RESF1: variants seen among roughly 807,000 people sequenced by gnomAD.
The protein encoded by RESF1 is retroelement silencing factor 1.
A neutral mutation model predicts 134.7 loss-of-function variants in RESF1; 65 were observed. That is an observed-to-expected ratio of 0.48 (90% CI 0.40 to 0.59). The LOEUF is 0.59. RESF1 is among the 20% of genes least tolerant of loss of function. The probability of loss-of-function intolerance (pLI) is 0.00; values close to 1 mark genes in which losing one functional copy is unlikely to be tolerated. For missense variants in RESF1, 2,274 were observed against 2,002.7 expected (o/e 1.14, Z -2.59); for synonymous variants, 762 against 702.2 (o/e 1.09, Z -1.35).
chr12:31,969,230 C>T (rs1350177554), intron 2 of RESF1, among the ~76,000 whole-genome samples: 1 of 151,532 alleles, frequency 6.6e-6, no homozygotes, highest in Non-Finnish European at 1.5e-5. Context: ...GTGTGAGCCA[C>T]CACACCTGGC....
At position 31,982,692 on chromosome 12, in the gene RESF1, T is replaced by G; in HGVS notation, c.1737T>G (p.Asn579Lys). The G allele has an allele frequency of 6.2e-7, 1 of 1,613,996 alleles. No individual in the cohort carries two copies. Among genetic ancestry groups the G allele is most frequent in the Admixed American group, 1.7e-5 (1 of 60,004 alleles). The change falls in exon 4 of 6, where the codon AAT (asparagine) becomes AAG (lysine). Residue 579 changes from asparagine to lysine, a missense_variant. By Grantham distance (94) the Asn-to-Lys change is moderately conservative (BLOSUM62 0). Transcript: ENST00000312561. ...AGGAATATAAATCAAAAATTCAAAA[T>G]GAAAATATGCTACTTCTCGCTTTGC... The part of the protein sequence containing the change: ...STEEYKSKIQ[N>K]ENMLLLALLS...
At chr12:31,967,105 G>C (rs1327715126) in intron 2 of RESF1, among the ~76,000 whole-genome samples, 1 of 152,156 alleles carries the variant, frequency 6.6e-6, no homozygotes, top group Non-Finnish European at 1.5e-5. Context: ...ACCACCTTGG[G>C]GGGTATACTT....
At chr12:31,973,107 A>T (rs78564345) in intron 3 of RESF1, among the ~76,000 whole-genome samples, 22,592 of 152,094 alleles carry the variant, frequency 0.15, 2,079 homozygotes, top group Middle Eastern at 0.26. Context: ...GCTGGCAGAG[A>T]TCTTGGGGCG....
Position 31,981,184 on chromosome 12 carries a change from G to T in RESF1, c.229G>T (p.Asp77Tyr), listed in dbSNP as rs1039277257. 1 of 1,614,042 alleles carries T rather than the reference G, an allele frequency of 6.2e-7. No individual in the cohort carries two copies. The highest frequency in any genetic ancestry group is 1.1e-5 in the South Asian group (1 of 91,066). Residue 77 changes from aspartate to tyrosine, a missense_variant, in exon 4 of 6, where the codon GAT becomes TAT. Transcript: ENST00000312561. Reference protein sequence around the residue: ...QNYPQQISVSDMHNGTVVASH... With the variant: ...QNYPQQISVSYMHNGTVVASH... ...TTATCCTCAACAAATTTCTGTTTCTGATATGCATAATGGGACAGTTGTGGC... is the reference window on the plus strand; with the variant it reads ...TTATCCTCAACAAATTTCTGTTTCTTATATGCATAATGGGACAGTTGTGGC...
intron 2 of RESF1, among the ~76,000 whole-genome samples, chr12:31,965,768 G>A (rs535623949): frequency 1.8e-4 from 28 of 151,938 alleles, no homozygotes; most frequent in African/African-American, 6.8e-4. Flanking sequence ...GCGTGTGCCT[G>A]AAATCCCAGC....
intron 5 of RESF1, among the ~76,000 whole-genome samples, chr12:31,987,916 G>A (rs1405701501): frequency 6.6e-6 from 1 of 151,952 alleles, no homozygotes; most frequent in African/African-American, 2.4e-5. Flanking sequence ...TGTATTTTTA[G>A]TAGAGGCAGG....
chr12:31,967,169 C>T (rs943823335), intron 2 of RESF1, among the ~76,000 whole-genome samples: 7 of 152,084 alleles, frequency 4.6e-5, no homozygotes, highest in African/African-American at 1.7e-4. Flanking sequence ...GGTGTCATCC[C>T]GTGGGGCTGG....
intron 3 of RESF1, among the ~76,000 whole-genome samples, chr12:31,974,707 G>A (rs1377764529): frequency 6.6e-6 from 1 of 152,088 alleles, no homozygotes; most frequent in Non-Finnish European, 1.5e-5. Context: ...TTCAGTTCAT[G>A]AGACTCTCTC....
At chr12:31,965,190 C>T (rs966604018) in intron 2 of RESF1, among the ~76,000 whole-genome samples, 1 of 152,172 alleles carries the variant, frequency 6.6e-6, no homozygotes, top group Non-Finnish European at 1.5e-5. Context: ...CTTCTGACCT[C>T]AAGTGATCAG....
At chr12:31,980,794 A>C (rs1317836649) in intron 3 of RESF1, 84 bp from the exon 4 acceptor site, 4 of 568,838 alleles carry the variant, frequency 7.0e-6, no homozygotes, top group Admixed American at 3.6e-5. Flanking sequence ...TTCAGTAATT[A>C]GGATGGACAG....
chr12:31,977,106 G>A (rs923480123), intron 3 of RESF1, among the ~76,000 whole-genome samples: 2 of 152,082 alleles, frequency 1.3e-5, no homozygotes, highest in African/African-American at 4.8e-5. Context: ...GATGCAGTCC[G>A]TTTTATGGAC....
chr12:31,985,228 G>T lies in RESF1; in HGVS notation c.4273G>T (p.Val1425Leu). ...AAGAGCCATTGTTAAAGAAAAGATGGTATCAAATACTAAGTCTGTAGACAC... is the reference window on the plus strand; with the variant it reads ...AAGAGCCATTGTTAAAGAAAAGATGTTATCAAATACTAAGTCTGTAGACAC... ...NERAIVKEKM[V>L]SNTKSVDTKA... Residue 1425 changes from valine (V) to leucine (L), a missense_variant, in exon 4 of 6, where the codon GTA (valine) becomes TTA (leucine). Transcript: ENST00000312561. The T allele has an allele frequency of 6.3e-7, 1 of 1,592,914 alleles. No individual in the cohort carries two copies.
At chr12:31,989,294 G>T (rs1439537327) in intron 5 of RESF1, among the ~76,000 whole-genome samples, 1 of 150,720 alleles carries the variant, frequency 6.6e-6, no homozygotes, top group Non-Finnish European at 1.5e-5. Flanking sequence ...TACTCGGGAG[G>T]CTGAGGCAAG....
At chr12:31,968,075 G>GT (rs1301395294) in intron 2 of RESF1, among the ~76,000 whole-genome samples, 2 of 152,108 alleles carry the variant, frequency 1.3e-5, no homozygotes, top group African/African-American at 4.8e-5. Context: ...TTGGTGGTTT[G>GT]TTAACTTTCT....
Position 31,984,243 on chromosome 12 carries a change from C to A in RESF1, c.3288C>A (p.Asp1096Glu). Residue 1096 changes from aspartate to glutamate, a missense_variant, in exon 4 of 6, where the codon GAC becomes GAA. Physicochemically the swap from Asp to Glu is conservative, Grantham distance 45. Coordinates refer to ENST00000312561, the MANE Select transcript of RESF1 (RefSeq NM_018169.4). ...AAACTGCTGATAAAACCAGTTCTGA[C>A]TCCAAAGACCCAGCAGATCAAATAC... Reference protein sequence around the residue: ...EDQTADKTSSDSKDPADQIQI... With the variant: ...EDQTADKTSSESKDPADQIQI... 6.2e-7 allele frequency: 1 copy of A among 1,614,020 alleles called. No homozygotes were observed. Among genetic ancestry groups the A allele is most frequent in the Middle Eastern group, 1.7e-4 (1 of 6,040 alleles).
Position 31,984,152 on chromosome 12 carries a change from T to C in RESF1, c.3197T>C (p.Ile1066Thr). ...SELLKEFPYGIEAVNTREGSV... is the reference protein window; with the variant it reads ...SELLKEFPYGTEAVNTREGSV... ...CTTCTAAAAGAGTTTCCTTATGGCA[T>C]TGAGGCTGTGAATACACGTGAAGGT... is the stretch of plus-strand genomic sequence containing the variant. Residue 1066 changes from isoleucine (I) to threonine (T), a missense_variant, in exon 4 of 6, where the codon ATT becomes ACT. By Grantham distance (89) the Ile-to-Thr change is moderately conservative. Coordinates refer to ENST00000312561, the MANE Select transcript of RESF1 (RefSeq NM_018169.4). 6.2e-7 allele frequency: 1 copy of C among 1,612,906 alleles called. No individual in the cohort carries two copies. Among genetic ancestry groups the C allele is most frequent in the Non-Finnish European group, 8.5e-7 (1 of 1,179,636 alleles).
At position 31,982,018 on chromosome 12, in the gene RESF1, A is replaced by G; in HGVS notation, c.1063A>G (p.Arg355Gly). The G allele has an allele frequency of 6.2e-7, 1 of 1,614,138 alleles. No individual in the cohort carries two copies. ...NSKQPFNSPI[R>G]SSVDGVQTLA... ...CAAACAGCCTTTTAACAGTCCCATT[A>G]GATCTTCTGTGGATGGTGTTCAGAC... is the stretch of plus-strand genomic sequence containing the variant. The change falls in exon 4 of 6, where the codon AGA (arginine) becomes GGA (glycine). Residue 355 changes from arginine (R) to glycine (G), a missense_variant. Transcript: ENST00000312561.
Position 31,981,696 on chromosome 12 carries a change from T to C in RESF1, c.741T>C (p.Ser247=). 6.2e-7 allele frequency: 1 copy of C among 1,613,808 alleles called. No individual in the cohort carries two copies. Among genetic ancestry groups the C allele is most frequent in the African/African-American group, 1.3e-5 (1 of 75,054 alleles). Residue 247 remains serine (S), a synonymous_variant, in exon 4 of 6, where the codon AGT becomes AGC. Transcript: ENST00000312561. The part of the protein sequence containing the change: ...IPHTSLQVKN[S]QLLNSVLTLP... ...ATACATCATTGCAAGTTAAAAATAG[T>C]CAGCTTCTAAATTCTGTATTAACTT...
Position 31,985,572 on chromosome 12 carries a change from A to G in RESF1, c.4617A>G (p.Lys1539=). ...TYNILRNVKE[K]VGGKQPDKIW... is the part of the protein sequence containing the mutation. Reference sequence around the variant, plus strand: ...ACATTCTAAGGAATGTTAAAGAAAAAGTTGGTGGGAAGCAGCCTGATAAAA... The same window carrying G: ...ACATTCTAAGGAATGTTAAAGAAAAGGTTGGTGGGAAGCAGCCTGATAAAA... Residue 1539 remains lysine (K), a synonymous_variant, in exon 4 of 6, where the codon AAA becomes AAG. Transcript: ENST00000312561. 1.3e-6 allele frequency: 2 copies of G among 1,598,496 alleles called. No individual in the cohort carries two copies. Among genetic ancestry groups the G allele is most frequent in the South Asian group, 2.3e-5 (2 of 87,774 alleles).
Sources: gnomAD v4.1 joint callset for allele counts (sites outside exome capture counted in the v4.1 genomes callset) on GRCh38, gnomAD v4.1.1 for gene constraint, MANE v1.5 for transcripts, NCBI Gene and HGNC (gene_info 2026-07-23, HGNC 2026-07-21) for gene names.